The following LY96 variants were observed in gnomAD, a reference collection of about 807,000 sequenced individuals.
The protein encoded by LY96 is myeloid differentiation protein-2.
In LY96, 18 loss-of-function variants were observed where a neutral mutation model predicts 18.9. That is an observed-to-expected ratio of 0.95 (90% CI 0.66 to 1.41). LY96 has a LOEUF of 1.41. LY96 is among the 40% of genes most tolerant of loss of function. LY96 has a pLI of 0.00. For missense variants in LY96, 175 were observed against 182.4 expected, an observed-to-expected ratio of 0.96 and a Z score of 0.23; for synonymous variants, 66 against 62.6, an observed-to-expected ratio of 1.06 and a Z score of -0.26.
chr8:74,024,186 C>T (rs922210410), intron 3 of LY96, among the ~76,000 whole-genome samples: 2 of 152,006 alleles, frequency 1.3e-5, no homozygotes, highest in South Asian at 2.1e-4. Context: ...CAAAGCAAAA[C>T]CCCGGTCCTC....
the LY96 span, among the ~76,000 whole-genome samples, chr8:74,060,926 A>G: frequency 0.042 from 6,404 of 152,310 alleles, 343 homozygotes; most frequent in African/African-American, 0.11. Flanking sequence ...GTTATTTGCT[A>G]TCAAAAATAC....
chr8:74,005,002 C>A, intron 2 of LY96, 117 bp downstream of exon 2: 1 of 1,092,798 alleles, frequency 9.2e-7, no homozygotes, highest in African/African-American at 1.5e-5. Context: ...AACAAATTAC[C>A]ACGATCTTTG....
intron 1 of LY96, among the ~76,000 whole-genome samples, chr8:74,002,437 T>C (rs1816315340): frequency 6.6e-6 from 1 of 152,054 alleles, no homozygotes; most frequent in African/African-American, 2.4e-5. Context: ...CTCTTCTGAT[T>C]GAATTCTTTT....
chr8:74,001,195 A>G (rs1816256899), intron 1 of LY96, among the ~76,000 whole-genome samples: 1 of 151,970 alleles, frequency 6.6e-6, no homozygotes, highest in African/African-American at 2.4e-5. Flanking sequence ...AGTCTGGGCA[A>G]CAAAGAAAGC....
chr8:74,059,846 T>C, the LY96 span, among the ~76,000 whole-genome samples: 1 of 152,194 alleles, frequency 6.6e-6, no homozygotes, highest in Non-Finnish European at 1.5e-5. Context: ...CATCCAAAAC[T>C]TCAAACTTTG....
At chr8:74,043,826 A>T in the LY96 span, among the ~76,000 whole-genome samples, 1 of 152,234 alleles carries the variant, frequency 6.6e-6, no homozygotes, top group South Asian at 2.1e-4. Flanking sequence ...AAGTTTTAGC[A>T]TTCTAATATT....
chr8:74,009,857 T>C, intron 2 of LY96, 144 bp from the exon 3 acceptor site: 1 of 636,850 alleles, frequency 1.6e-6, no homozygotes, highest in Non-Finnish European at 2.8e-6. Context: ...AGAGTAATAA[T>C]TGACATCTTG....
the LY96 span, among the ~76,000 whole-genome samples, chr8:74,051,246 A>C: frequency 2.0e-5 from 3 of 152,132 alleles, no homozygotes; most frequent in Non-Finnish European, 4.4e-5. Context: ...CCTGATCTGG[A>C]TATAACTGCT....
intron 3 of LY96, 96 bp from the exon 4 acceptor site, chr8:74,026,693 C>T (rs750693576): frequency 3.9e-5 from 28 of 715,946 alleles, no homozygotes; most frequent in Middle Eastern, 2.5e-4. Context: ...CTTGGGACTG[C>T]GTCTGTCAGT....
chr8:74,026,847 G>A lies in LY96; in HGVS notation c.384+6G>A, dbSNP rs775898749. ...AGGGAATAAAATTTTCTAAGGTATT[G>A]TTCAAGATTTATTTTGTACTGTCTA... On this transcript the variant is annotated splice_donor_region_variant and intron_variant, in intron 4 of 4. Coordinates refer to ENST00000284818, the MANE Select transcript of LY96 (RefSeq NM_015364.5). The A allele has an allele frequency of 2.1e-6, 3 of 1,432,486 alleles. No homozygotes were observed. In the East Asian group the frequency reaches 6.8e-5, roughly 33 times the overall value. 88.7% of individuals were successfully genotyped at this position (1,432,486 alleles called of 1,614,324 possible).
chr8:74,057,122 G>C, the LY96 span, among the ~76,000 whole-genome samples: 1 of 152,162 alleles, frequency 6.6e-6, no homozygotes, highest in Non-Finnish European at 1.5e-5. Context: ...AACACATGAT[G>C]TAGTTTCAGC....
the LY96 span, among the ~76,000 whole-genome samples, chr8:74,092,225 G>A: frequency 6.6e-6 from 1 of 152,188 alleles, no homozygotes; most frequent in Admixed American, 6.5e-5. Flanking sequence ...GATGGTGGGG[G>A]AAGCACCAAC....
chr8:74,044,098 G>T, the LY96 span, among the ~76,000 whole-genome samples: 26 of 152,166 alleles, frequency 1.7e-4, no homozygotes, highest in East Asian at 4.1e-3. Context: ...AATGGCCAGT[G>T]CCAGAGCAAA....
chr8:74,006,445 G>A (rs372954212), intron 2 of LY96, among the ~76,000 whole-genome samples: 1 of 152,042 alleles, frequency 6.6e-6, no homozygotes, highest in African/African-American at 2.4e-5. Flanking sequence ...TGATCCACCC[G>A]CCTAGGCCTC....
chr8:74,002,443 C>A (rs1364128387), intron 1 of LY96, among the ~76,000 whole-genome samples: 1 of 151,792 alleles, frequency 6.6e-6, no homozygotes. Context: ...TGATTGAATT[C>A]TTTTCCAGTG....
At chr8:74,091,492 C>G in the LY96 span, among the ~76,000 whole-genome samples, 2 of 152,192 alleles carry the variant, frequency 1.3e-5, no homozygotes, top group Non-Finnish European at 2.9e-5. Context: ...TTGTGTCCCC[C>G]CTCAGGAGTC....
the LY96 span, among the ~76,000 whole-genome samples, chr8:74,080,391 T>C: frequency 4.6e-5 from 7 of 152,208 alleles, no homozygotes; most frequent in African/African-American, 1.4e-4. Context: ...TAATTGACAC[T>C]GAAAGTGCTT....
At chr8:74,019,802 A>G (rs2131278221) in intron 3 of LY96, among the ~76,000 whole-genome samples, 1 of 152,318 alleles carries the variant, frequency 6.6e-6, no homozygotes, top group Middle Eastern at 3.4e-3. Flanking sequence ...TCACATAAAC[A>G]AAACCAAAGA....
the LY96 span, among the ~76,000 whole-genome samples, chr8:74,093,417 T>C: frequency 6.6e-6 from 1 of 152,320 alleles, no homozygotes; most frequent in East Asian, 1.9e-4. Flanking sequence ...GAACAAATAT[T>C]TTTGAACTAT....
Sources: allele counts gnomAD v4.1 joint callset (sites outside exome capture counted in the v4.1 genomes callset), GRCh38; gene constraint gnomAD v4.1.1; transcripts MANE v1.5; gene names NCBI Gene and HGNC (gene_info 2026-07-23, HGNC 2026-07-21).